ATG7: variants seen among roughly 807,000 people sequenced by gnomAD.
ATG7 encodes the protein ubiquitin-like modifier-activating enzyme ATG7.
In ATG7, 70 loss-of-function variants were observed where a neutral mutation model predicts 82.4. That is an observed-to-expected ratio of 0.85 (90% CI 0.70 to 1.04). The LOEUF is 1.04. Among genes scored for constraint, ATG7 ranks in the 50% least tolerant of loss-of-function variants. ATG7 has a pLI of 0.00. For synonymous variants in ATG7, 287 were observed against 313.0 expected (o/e 0.92, Z 0.88); for missense variants, 792 against 864.3 (o/e 0.92, Z 1.05).
intron 20 of ATG7, among the ~76,000 whole-genome samples, chr3:11,496,554 A>G (rs2090849009): frequency 6.6e-6 from 1 of 152,202 alleles, no homozygotes; most frequent in Non-Finnish European, 1.5e-5. Context: ...CCAGTGCATT[A>G]GGGACTATCA....
intron 13 of ATG7, among the ~76,000 whole-genome samples, chr3:11,345,634 T>C (rs1319975689): frequency 6.6e-6 from 1 of 152,210 alleles, no homozygotes; most frequent in South Asian, 2.1e-4. Flanking sequence ...TTGTGTTTTC[T>C]CTTTTTTCCT....
the ATG7 span, among the ~76,000 whole-genome samples, chr3:11,566,491 T>A: frequency 6.6e-6 from 1 of 152,166 alleles, no homozygotes; most frequent in African/African-American, 2.4e-5. Context: ...CAGCCCTTAG[T>A]GAATGTTTTT....
intron 19 of ATG7, among the ~76,000 whole-genome samples, chr3:11,386,677 A>G (rs1343613649): frequency 6.6e-6 from 1 of 152,214 alleles, no homozygotes; most frequent in Non-Finnish European, 1.5e-5. Flanking sequence ...TTGGAAAATG[A>G]TGAGTAACCC....
intron 4 of ATG7, 86 bp from the exon 5 acceptor site, chr3:11,299,274 AAG>A: frequency 7.3e-7 from 1 of 1,362,780 alleles, no homozygotes; most frequent in Admixed American, 1.7e-5. Flanking sequence ...GGGCTCAACA[AAG>A]AGAAGAAAAC....
intron 20 of ATG7, among the ~76,000 whole-genome samples, chr3:11,530,647 T>C (rs1173538830): frequency 6.6e-6 from 1 of 152,138 alleles, no homozygotes; most frequent in Non-Finnish European, 1.5e-5. Context: ...ACTGAGCCAG[T>C]ATCTTTCTCT....
the ATG7 span, among the ~76,000 whole-genome samples, chr3:11,573,320 A>AAGG: frequency 1.8e-4 from 5 of 27,380 alleles, 1 homozygote; most frequent in Admixed American, 7.3e-4. Flanking sequence ...AGGAAGGAAG[A>AAGG]AAGAAAGAAA....
chr3:11,507,323 AAC>A (rs1343712869), intron 20 of ATG7, among the ~76,000 whole-genome samples: 1 of 152,220 alleles, frequency 6.6e-6, no homozygotes, highest in African/African-American at 2.4e-5. Context: ...TGTAAAATAA[AAC>A]ACAGAGTTAC....
chr3:11,559,677 G>T (rs1382982463), downstream of ATG7, among the ~76,000 whole-genome samples: 1 of 152,222 alleles, frequency 6.6e-6, no homozygotes, highest in Non-Finnish European at 1.5e-5. Context: ...TGGCTGTTTG[G>T]ATCAGTGAGG....
At chr3:11,326,108 C>T (rs1950840143) in intron 9 of ATG7, among the ~76,000 whole-genome samples, 1 of 152,182 alleles carries the variant, frequency 6.6e-6, no homozygotes, top group Non-Finnish European at 1.5e-5. Flanking sequence ...GAACTTCCCC[C>T]AATGTCTTAG....
intron 19 of ATG7, among the ~76,000 whole-genome samples, chr3:11,415,989 C>T (rs931244177): frequency 2.0e-5 from 3 of 152,180 alleles, no homozygotes; most frequent in African/African-American, 7.2e-5. Context: ...GTGATGGCTA[C>T]AGCTTCACTA....
At chr3:11,336,774 A>C (rs992345389) in intron 11 of ATG7, among the ~76,000 whole-genome samples, 69 of 152,022 alleles carry the variant, frequency 4.5e-4, no homozygotes, top group African/African-American at 1.6e-3. Context: ...CCAGGCTCAA[A>C]CCATCCCCCC....
Position 11,440,674 on chromosome 3 carries a change from CTTTTTT to C in ATG7, c.2079+13769_2079+13774del, listed in dbSNP as rs72177700. On this transcript the variant is annotated intron_variant, in intron 20 of 20. Transcript: ENST00000693202. ...TTAGGGAAGAGTTGGTCCCCATTTG[CTTTTTT>C]TTTTTTTTTTTTTTTTTTTTGAGAC... Among the ~76,000 whole-genome samples, 7 of 39,490 alleles carry C rather than the reference CTTTTTT, an allele frequency of 1.8e-4. No individual in the cohort carries two copies. In the South Asian group the frequency reaches 4.8e-3, roughly 27 times the overall value. 25.9% of individuals were successfully genotyped at this position (39,490 alleles called of 152,430 possible).
intron 3 of ATG7, among the ~76,000 whole-genome samples, chr3:11,283,183 A>G (rs1277041581): frequency 2.0e-5 from 3 of 152,160 alleles, no homozygotes; most frequent in Non-Finnish European, 4.4e-5. Flanking sequence ...GAGACTGACC[A>G]TTTCCTTTTA....
intron 19 of ATG7, among the ~76,000 whole-genome samples, chr3:11,382,691 A>T (rs1165331250): frequency 6.6e-6 from 1 of 152,270 alleles, no homozygotes; most frequent in East Asian, 1.9e-4. Context: ...TATAATTTTT[A>T]AAATCAATAT....
At chr3:11,498,330 T>G (rs1457081062) in intron 20 of ATG7, among the ~76,000 whole-genome samples, 1 of 152,212 alleles carries the variant, frequency 6.6e-6, no homozygotes, top group East Asian at 1.9e-4. Flanking sequence ...ATGATATTTT[T>G]GGCAGCTTTG....
rs540838301 is a variant in ATG7, at chr3:11,394,655, T to C, written c.1956+14603T>C. On this transcript the variant is annotated intron_variant, in intron 19 of 20. Coordinates refer to ENST00000693202, the MANE Select transcript of ATG7 (RefSeq NM_001349232.2). Reference sequence around the variant, plus strand: ...TTGGAACTCTATCAAGAGATACACCTAGGAGTAAGGGTGAAGTGGGTGTAA... The same window carrying C: ...TTGGAACTCTATCAAGAGATACACCCAGGAGTAAGGGTGAAGTGGGTGTAA... Among the ~76,000 whole-genome samples, 8 of 152,308 alleles carry C rather than the reference T, an allele frequency of 5.3e-5. No individual in the cohort carries two copies. The South Asian group carries it at 8.3e-4, about 16-fold the overall frequency.
intron 20 of ATG7, among the ~76,000 whole-genome samples, chr3:11,523,463 G>A (rs903901314): frequency 2.0e-5 from 3 of 152,190 alleles, no homozygotes; most frequent in Non-Finnish European, 2.9e-5. Flanking sequence ...ACTTGTTCCC[G>A]GACAACCCAT....
intron 1 of ATG7, among the ~76,000 whole-genome samples, chr3:11,280,769 C>G (rs974456674): frequency 6.6e-6 from 1 of 151,936 alleles, no homozygotes; most frequent in African/African-American, 2.4e-5. Context: ...TTGCCTATTC[C>G]CCCTGCTCTT....
chr3:11,281,974 C>T (rs965674716), intron 2 of ATG7, among the ~76,000 whole-genome samples: 2 of 152,118 alleles, frequency 1.3e-5, no homozygotes, highest in Non-Finnish European at 2.9e-5. Flanking sequence ...AGGAAACCAT[C>T]ATAGATTTTA....
Sources: allele counts gnomAD v4.1 joint callset (sites outside exome capture counted in the v4.1 genomes callset), GRCh38; gene constraint gnomAD v4.1.1; transcripts MANE v1.5; gene names NCBI Gene and HGNC (gene_info 2026-07-23, HGNC 2026-07-21).